Variants in SMIM17 observed in about 807,000 individuals in gnomAD.
SMIM17 encodes small integral membrane protein 17.
A neutral mutation model predicts 12.2 loss-of-function variants in SMIM17; 10 were observed. The observed-to-expected ratio is 0.82, with a 90% CI of 0.50 to 1.39. The LOEUF is 1.39. SMIM17 is among the 40% of genes most tolerant of loss of function. The pLI is 0.00. For synonymous variants in SMIM17, 50 were observed against 44.1 expected (o/e 1.13, Z -0.53); for missense variants, 136 against 118.2 (o/e 1.15, Z -0.70).
intron 2 of SMIM17, 37 bp from the exon 3 acceptor site, chr19:56,647,521 C>G: frequency 6.7e-7 from 1 of 1,500,716 alleles, no homozygotes; most frequent in Non-Finnish European, 8.9e-7. Flanking sequence ...GCCACTCACT[C>G]ATGGCTCCTT....
chr19:56,653,461 C>G (rs1403706637), intron 3 of SMIM17, among the ~76,000 whole-genome samples: 1 of 152,192 alleles, frequency 6.6e-6, no homozygotes, highest in Non-Finnish European at 1.5e-5. Flanking sequence ...TCAGTTGTGT[C>G]AGACCCATTT....
At chr19:56,653,910 C>T (rs1472317931) in intron 3 of SMIM17, among the ~76,000 whole-genome samples, 1 of 152,090 alleles carries the variant, frequency 6.6e-6, no homozygotes, top group African/African-American at 2.4e-5. Context: ...TTTCAGTGTT[C>T]ACCATTGCCT....
chr19:56,656,752 ATTTGG>A lies in SMIM17; in HGVS notation c.*1543_*1547del, dbSNP rs2045154829. Among the ~76,000 whole-genome samples the A allele has an allele frequency of 6.6e-6, 1 of 152,174 alleles. No homozygotes were observed. Among genetic ancestry groups the A allele is most frequent in the South Asian group, 2.1e-4 (1 of 4,834 alleles). On this transcript the variant is annotated 3_prime_UTR_variant, in exon 4 of 4. Coordinates refer to ENST00000598409, the MANE Select transcript of SMIM17 (RefSeq NM_001193628.2). ...CTAAAGAGTGCTTTGAAACTCAGTGATTTGGTTTATTTTTTGTTTAAAAATAGTTT... is the reference window on the plus strand; with the variant it reads ...CTAAAGAGTGCTTTGAAACTCAGTGATTTATTTTTTGTTTAAAAATAGTTT...
intron 3 of SMIM17, among the ~76,000 whole-genome samples, chr19:56,650,907 C>T (rs1307787800): frequency 6.6e-6 from 1 of 152,210 alleles, no homozygotes; most frequent in Non-Finnish European, 1.5e-5. Context: ...TGACATCATT[C>T]ATTCACTCAC....
intron 3 of SMIM17, among the ~76,000 whole-genome samples, chr19:56,648,019 A>G (rs2045077929): frequency 1.3e-5 from 2 of 150,204 alleles, no homozygotes; most frequent in African/African-American, 4.9e-5. Flanking sequence ...CATCCACCTA[A>G]ACTTTTATTC....
intron 1 of SMIM17, 40 bp from the exon 2 acceptor site, chr19:56,645,528 C>A: frequency 1.3e-6 from 1 of 753,146 alleles, no homozygotes; most frequent in Non-Finnish European, 2.0e-6. Flanking sequence ...CCCCTGCTGG[C>A]CCTCTGTAAT....
intron 3 of SMIM17, among the ~76,000 whole-genome samples, chr19:56,648,341 C>T (rs1431308237): frequency 6.8e-6 from 1 of 147,944 alleles, no homozygotes; most frequent in Non-Finnish European, 1.5e-5. Context: ...ATTCATTTAC[C>T]CAACCTTTCA....
intron 3 of SMIM17, among the ~76,000 whole-genome samples, chr19:56,651,573 A>T (rs972575891): frequency 1.3e-5 from 2 of 152,234 alleles, no homozygotes; most frequent in African/African-American, 4.8e-5. Context: ...TGAGATTTTA[A>T]AAAGATCAAT....
chr19:56,645,714 A>G lies in SMIM17; in HGVS notation c.47A>G (p.Glu16Gly). 6.5e-7 allele frequency: 1 copy of G among 1,535,570 alleles called. No individual in the cohort carries two copies. The highest frequency in any genetic ancestry group is 8.7e-7 in the Non-Finnish European group (1 of 1,146,762). ...CAGACACGGGGGCTGCTGGAGCCTG[A>G]GAGGACCAAGACTCTGCTGCCTCGG... ...PEQTRGLLEP[E>G]RTKTLLPRES... Residue 16 changes from glutamate (E) to glycine (G), a missense_variant, in exon 2 of 4, where the codon GAG (glutamate) becomes GGG (glycine). Transcript: ENST00000598409.
intron 3 of SMIM17, among the ~76,000 whole-genome samples, chr19:56,652,683 G>A (rs2045119116): frequency 6.6e-6 from 1 of 151,840 alleles, no homozygotes; most frequent in Non-Finnish European, 1.5e-5. Context: ...GAGAGAGAGA[G>A]AGAGAGTTAT....
chr19:56,655,572 C>G lies in SMIM17; in HGVS notation c.*359C>G, dbSNP rs1468271743. 3.7e-6 allele frequency: 1 copy of G among 271,910 alleles called. No homozygotes were observed. The highest frequency in any genetic ancestry group is 6.8e-6 in the Non-Finnish European group (1 of 146,378). The allele number at this position is 271,910 out of a possible 1,614,324, so 16.8% of individuals were successfully genotyped here. ...GGTACATTTCCTAACATCAAACCAACTTTGCATTCTTAAGGTTTTGGTGCA... is the reference window on the plus strand; with the variant it reads ...GGTACATTTCCTAACATCAAACCAAGTTTGCATTCTTAAGGTTTTGGTGCA... On this transcript the variant is annotated 3_prime_UTR_variant, in exon 4 of 4. Coordinates refer to ENST00000598409, the MANE Select transcript of SMIM17 (RefSeq NM_001193628.2).
At chr19:56,648,400 T>C (rs144095501) in intron 3 of SMIM17, among the ~76,000 whole-genome samples, 13 of 151,116 alleles carry the variant, frequency 8.6e-5, no homozygotes, top group Non-Finnish European at 1.9e-4. Flanking sequence ...CATCCATCCA[T>C]CCATCCATCC....
Position 56,655,262 on chromosome 19 carries a change from C to A in SMIM17, c.*49C>A, listed in dbSNP as rs574925163. On this transcript the variant is annotated 3_prime_UTR_variant, in exon 4 of 4. Transcript: ENST00000598409. ...AAAGTTTAATTTAATGAAATAGATG[C>A]CCTATGTCATGTTAAGGAATTGTGC... 3.2e-4 allele frequency: 218 copies of A among 677,558 alleles called. 4 individuals carry two copies. In the South Asian group the frequency reaches 3.3e-3, roughly 10 times the overall value. 42.0% of individuals were successfully genotyped at this position (677,558 alleles called of 1,614,324 possible).
In SMIM17 at chr19:56,647,642, G is replaced by T. The variant is rs1173737578; in HGVS notation, c.246+8G>T. 1 of 1,533,606 alleles carries T rather than the reference G, an allele frequency of 6.5e-7. No individual in the cohort carries two copies. The highest frequency in any genetic ancestry group is 1.4e-5 in the African/African-American group (1 of 72,896). The allele number at this position is 1,533,606 out of a possible 1,614,324, so 95.0% of individuals were successfully genotyped here. The stretch of plus-strand genomic sequence containing the variant: ...GAATCAGAGGGCTCCCAGGTACACT[G>T]GGGGGTTTGTTCTTTTTCCACAAAT... On this transcript the variant is annotated splice_region_variant and intron_variant, in intron 3 of 3. Transcript: ENST00000598409.
chr19:56,647,347 G>A lies in SMIM17; in HGVS notation c.170-211G>A, dbSNP rs531800153. ...CAGCCCCATCTGAATCATCACATAGGCATATGTGTGTTTGTGTGTGTGTGG... is the reference window on the plus strand; with the variant it reads ...CAGCCCCATCTGAATCATCACATAGACATATGTGTGTTTGTGTGTGTGTGG... On this transcript the variant is annotated intron_variant, in intron 2 of 3. Transcript: ENST00000598409. Among the ~76,000 whole-genome samples, 14 of 151,474 alleles carry A rather than the reference G, an allele frequency of 9.2e-5. No homozygotes were observed. The South Asian group carries it at 2.9e-3, about 32-fold the overall frequency.
intron 3 of SMIM17, among the ~76,000 whole-genome samples, chr19:56,648,109 A>G (rs1054508368): frequency 5.0e-5 from 6 of 120,616 alleles, no homozygotes; most frequent in Non-Finnish European, 8.5e-5. Flanking sequence ...ATCCATCCCT[A>G]TACTTCATCT....
chr19:56,647,023 A>T (rs1342717679), intron 2 of SMIM17, among the ~76,000 whole-genome samples: 2 of 152,132 alleles, frequency 1.3e-5, no homozygotes, highest in African/African-American at 2.4e-5. Flanking sequence ...GGAAAATGCC[A>T]GGATTTGCCC....
rs2045155495 is a variant in SMIM17 at position 56,656,877 on chromosome 19, C to T, written c.*1664C>T. On this transcript the variant is annotated 3_prime_UTR_variant, in exon 4 of 4. Transcript: ENST00000598409. Reference sequence around the variant, plus strand: ...AAAAAGCTTTTAGTGTGGCCTAGAACATGTCCATTTTTTGTAATTGTTTCA... The same window carrying T: ...AAAAAGCTTTTAGTGTGGCCTAGAATATGTCCATTTTTTGTAATTGTTTCA... Among the ~76,000 whole-genome samples the T allele has an allele frequency of 6.6e-6, 1 of 152,160 alleles. No homozygotes were observed. Among genetic ancestry groups the T allele is most frequent in the South Asian group, 2.1e-4 (1 of 4,830 alleles).
intron 3 of SMIM17, 149 bp from the exon 4 acceptor site, chr19:56,654,954 A>C (rs1600623024): frequency 2.1e-6 from 1 of 472,252 alleles, no homozygotes; most frequent in East Asian, 3.1e-5. Context: ...TGTTTATCTT[A>C]TATCTACTCA....
Sources: gnomAD v4.1 joint callset for allele counts (sites outside exome capture counted in the v4.1 genomes callset) on GRCh38, gnomAD v4.1.1 for gene constraint, MANE v1.5 for transcripts, NCBI Gene and HGNC (gene_info 2026-07-23, HGNC 2026-07-21) for gene names.